Variants in UBE2B observed in about 807,000 individuals in gnomAD.
UBE2B encodes the protein ubiquitin-conjugating enzyme E2 B.
Under a neutral mutation model 24.6 loss-of-function variants are expected in UBE2B, and 11 were observed. The observed-to-expected ratio is 0.45, with a 90% confidence interval of 0.28 to 0.74. The LOEUF (loss-of-function observed/expected upper bound fraction) is 0.74, where lower values mean the gene tolerates loss of function less well. Ranked by LOEUF, UBE2B falls within the 30% of genes least tolerant of loss-of-function variation. The pLI is 0.13. For synonymous variants in UBE2B, 68 were observed against 62.4 expected (o/e 1.09, Z -0.42); for missense variants, 78 against 185.6 (o/e 0.42, Z 3.37).
intron 3 of UBE2B, among the ~76,000 whole-genome samples, chr5:134,378,242 C>T (rs748072799): frequency 6.6e-5 from 10 of 151,988 alleles, no homozygotes; most frequent in Admixed American, 6.6e-4. Context: ...GCTCTGGACC[C>T]TTGAGTATCT....
At chr5:134,388,969 T>TTTTTTTA in intron 5 of UBE2B, 1 of 267,708 alleles carries the variant, frequency 3.7e-6, no homozygotes, top group Non-Finnish European at 6.9e-6. Context: ...TTTTTTTTTT[T>TTTTTTTA]GAGACAGTGT....
chr5:134,387,745 T>TA lies in UBE2B; in HGVS notation c.242-577dup, dbSNP rs1758830315. ...GAGCACTCATGACCTAAGCACTTCTTAAAGGTCCCACTTCTCAACAGTGTT... is the reference window on the plus strand; with the variant it reads ...GAGCACTCATGACCTAAGCACTTCTTAAAAGGTCCCACTTCTCAACAGTGTT... On this transcript the variant is annotated intron_variant, in intron 4 of 5. Coordinates refer to ENST00000265339, the MANE Select transcript of UBE2B (RefSeq NM_003337.4). Among the ~76,000 whole-genome samples the TA allele has an allele frequency of 2.0e-5, 3 of 152,310 alleles. No individual in the cohort carries two copies. In the South Asian group the frequency reaches 6.2e-4, roughly 32 times the overall value.
At chr5:134,385,252 T>G (rs1379314019) in intron 4 of UBE2B, among the ~76,000 whole-genome samples, 2 of 152,182 alleles carry the variant, frequency 1.3e-5, no homozygotes, top group African/African-American at 4.8e-5. Flanking sequence ...TAAGTTGGCT[T>G]TGAAGCTGAG....
At chr5:134,387,340 G>GGAGT (rs1758823537) in intron 4 of UBE2B, among the ~76,000 whole-genome samples, 1 of 152,084 alleles carries the variant, frequency 6.6e-6, no homozygotes, top group Non-Finnish European at 1.5e-5. Context: ...TTAATTTCTA[G>GGAGT]GAGTGTAATT....
intron 2 of UBE2B, among the ~76,000 whole-genome samples, chr5:134,376,322 CAAAAAA>C (rs1176500916): frequency 0.021 from 157 of 7,460 alleles, 4 homozygotes; most frequent in Admixed American, 0.035. Flanking sequence ...AACTCCGTCT[CAAAAAA>C]AAAAAAAAAA....
chr5:134,375,877 C>T (rs1176426643), intron 2 of UBE2B, among the ~76,000 whole-genome samples: 3 of 148,036 alleles, frequency 2.0e-5, no homozygotes, highest in African/African-American at 7.4e-5. Flanking sequence ...GGACAAGGAT[C>T]TGAGCAAACA....
intron 2 of UBE2B, chr5:134,374,686 C>G (rs920344321): frequency 1.9e-6 from 1 of 518,802 alleles, no homozygotes; most frequent in South Asian, 2.0e-5. Flanking sequence ...GTTCACCAGC[C>G]TGGGCGATAT....
chr5:134,391,066 T>A lies in UBE2B; in HGVS notation c.*713T>A, dbSNP rs1393871583. On this transcript the variant is annotated 3_prime_UTR_variant, in exon 6 of 6. Coordinates refer to ENST00000265339, the MANE Select transcript of UBE2B (RefSeq NM_003337.4). ...CATGCATTACTTACTGTTAAAACTG[T>A]ACCTTTTGCGATTTCACAGTTGGCA... The A allele has an allele frequency of 6.5e-6, 1 of 152,706 alleles. No homozygotes were observed. The highest frequency in any genetic ancestry group is 1.5e-5 in the Non-Finnish European group (1 of 68,082). The allele number at this position is 152,706 out of a possible 1,614,324, so 9.5% of individuals were successfully genotyped here.
At chr5:134,378,259 GT>G (rs892825226) in intron 3 of UBE2B, among the ~76,000 whole-genome samples, 2 of 151,586 alleles carry the variant, frequency 1.3e-5, no homozygotes, top group Non-Finnish European at 2.9e-5. Context: ...ATCTATGTGG[GT>G]TTTTTTTGTT....
In UBE2B at chr5:134,391,541, GTC is replaced by G. The variant is rs1758896398; in HGVS notation, c.*1194_*1195del. ...TAAATTCTGTTGAACCACCTGTGTA[GTC>G]TCTCTAGTAGTTAAAACAGCTATTT... On this transcript the variant is annotated 3_prime_UTR_variant, in exon 6 of 6. Transcript: ENST00000265339. 1 of 152,566 alleles carries G rather than the reference GTC, an allele frequency of 6.6e-6. No individual in the cohort carries two copies. The highest frequency in any genetic ancestry group is 6.5e-5 in the Admixed American group (1 of 15,270). The allele number at this position is 152,566 out of a possible 1,614,324, so 9.5% of individuals were successfully genotyped here.
At position 134,390,241 on chromosome 5, in the gene UBE2B, C is replaced by T. The variant is rs1758879217; in HGVS notation, c.347C>T (p.Pro116Leu). Residue 116 changes from proline to leucine, a missense_variant, in exon 6 of 6, where the codon CCG becomes CTG. This residue lies in a region of UBE2B where 57 missense variants were observed against 167.7 expected (regional missense o/e 0.34). Coordinates refer to ENST00000265339, the MANE Select transcript of UBE2B (RefSeq NM_003337.4). The surrounding 1 kb of genome is among the most constrained non-coding windows in gnomAD (Gnocchi z 4.6). ...TCCTCCTAGTCTCTGCTGGATGAAC[C>T]GAATCCTAACAGTCCAGCCAATAGC... ...LTSIQSLLDE[P>L]NPNSPANSQA... 2 of 1,613,958 alleles carry T rather than the reference C, an allele frequency of 1.2e-6. No homozygotes were observed. Among genetic ancestry groups the T allele is most frequent in the South Asian group, 1.1e-5 (1 of 91,076 alleles).
Position 134,380,766 on chromosome 5 carries a change from C to G in UBE2B, c.199C>G (p.Pro67Ala). Residue 67 changes from proline to alanine, a missense_variant, in exon 4 of 6, where the codon CCA becomes GCA. Pro to Ala is a conservative substitution (Grantham distance 27). This residue lies in a region of UBE2B where 57 missense variants were observed against 167.7 expected (regional missense o/e 0.34). Coordinates refer to ENST00000265339, the MANE Select transcript of UBE2B (RefSeq NM_003337.4). The part of the protein sequence containing the change: ...IEFSEEYPNK[P>A]PTVRFLSKMF... ...ATTTTCTGAAGAATATCCAAATAAA[C>G]CACCAACTGTTAGGTTTTTATCCAA... 6.3e-7 allele frequency: 1 copy of G among 1,594,376 alleles called. No homozygotes were observed. Among genetic ancestry groups the G allele is most frequent in the Non-Finnish European group, 8.6e-7 (1 of 1,162,804 alleles).
intron 5 of UBE2B, chr5:134,389,993 C>G (rs1426132380): frequency 4.0e-6 from 2 of 495,438 alleles, no homozygotes; most frequent in Non-Finnish European, 7.3e-6. Flanking sequence ...AATTATAGGT[C>G]TTAAGGCAAT....
intron 3 of UBE2B, among the ~76,000 whole-genome samples, chr5:134,377,670 C>A (rs1231326190): frequency 6.6e-6 from 1 of 151,912 alleles, no homozygotes; most frequent in Non-Finnish European, 1.5e-5. Context: ...TTCTCTACAT[C>A]AAGGGTTCTC....
At chr5:134,382,791 T>G (rs1486039209) in intron 4 of UBE2B, among the ~76,000 whole-genome samples, 1 of 150,610 alleles carries the variant, frequency 6.6e-6, no homozygotes, top group African/African-American at 2.4e-5. Flanking sequence ...AAAAAGAAAA[T>G]TGGGATGTTA....
At chr5:134,375,114 ATCACGCAAATGCTC>A (rs1758576754) in intron 2 of UBE2B, among the ~76,000 whole-genome samples, 1 of 152,224 alleles carries the variant, frequency 6.6e-6, no homozygotes, top group Non-Finnish European at 1.5e-5. Context: ...TATAAAACAT[ATCACGCAAATGCTC>A]TCATTCTGTT....
At chr5:134,371,941 A>G (rs1160238403) in intron 1 of UBE2B, among the ~76,000 whole-genome samples, 1 of 152,236 alleles carries the variant, frequency 6.6e-6, no homozygotes, top group Non-Finnish European at 1.5e-5. Context: ...CCAGGCGATC[A>G]GACATTATCC....
intron 1 of UBE2B, among the ~76,000 whole-genome samples, chr5:134,371,908 C>A (rs1278356859): frequency 6.6e-6 from 1 of 152,244 alleles, no homozygotes; most frequent in African/African-American, 2.4e-5. Context: ...CTGCCCATTT[C>A]GGCCAGCTGC....
At position 134,390,456 on chromosome 5, in the gene UBE2B, C is replaced by A; in HGVS notation, c.*103C>A. ...AGTGCCACAGGTTTTAAGGATTCTG[C>A]AGAAAAAAAAGAAAAAAGTCCTTCA... On this transcript the variant is annotated 3_prime_UTR_variant, in exon 6 of 6. Transcript: ENST00000265339. The surrounding 1 kb of genome is among the most constrained non-coding windows in gnomAD (Gnocchi z 4.6). The A allele has an allele frequency of 5.5e-6, 8 of 1,457,482 alleles. No individual in the cohort carries two copies. The highest frequency in any genetic ancestry group is 2.8e-5 in the African/African-American group (2 of 70,218). The allele number at this position is 1,457,482 out of a possible 1,614,324, so 90.3% of individuals were successfully genotyped here.
Sources: gnomAD v4.1 joint callset for allele counts (sites outside exome capture counted in the v4.1 genomes callset) on GRCh38, gnomAD v4.1.1 for gene constraint, gnomAD v4.1.1 regional missense constraint, Gnocchi (gnomAD v3.1) non-coding constraint, MANE v1.5 for transcripts, NCBI Gene and HGNC (gene_info 2026-07-23, HGNC 2026-07-21) for gene names.